The following AP4E1 variants were observed in gnomAD, a reference collection of about 807,000 sequenced individuals.
AP4E1 encodes AP-4 complex subunit epsilon-1.
AP4E1 carries 56 observed loss-of-function variants against 128.2 expected under a neutral mutation model. The ratio of observed to expected loss-of-function variants is 0.44; its 90% CI spans 0.35 to 0.55. The LOEUF (loss-of-function observed/expected upper bound fraction) is 0.55, where lower values mean the gene tolerates loss of function less well. Among genes scored for constraint, AP4E1 ranks in the 20% least tolerant of loss-of-function variants. AP4E1 has a pLI of 0.00. For synonymous variants in AP4E1, 484 were observed against 473.1 expected (o/e 1.02, Z -0.30); for missense variants, 1,324 against 1,307.7 (o/e 1.01, Z -0.19).
Position 50,952,442 on chromosome 15 carries a change from G to A in AP4E1, c.1548+2273G>A, listed in dbSNP as rs533830754. 4.0e-5 allele frequency among the ~76,000 whole-genome samples: 6 copies of A among 151,598 alleles called. No homozygotes were observed. In the South Asian group the frequency reaches 8.4e-4, roughly 21 times the overall value. On this transcript the variant is annotated intron_variant, in intron 13 of 20. Transcript: ENST00000261842. ...GGAGAATCTCTTGAACTCAGGAGGC[G>A]GAGGTTGCAGTGAACCAAGATCACG... is the stretch of plus-strand genomic sequence containing the variant.
At position 50,929,108 on chromosome 15, in the gene AP4E1, T is replaced by C. The variant is rs1177605574; in HGVS notation, c.642T>C (p.Leu214=). 17 of 1,613,928 alleles carry C rather than the reference T, an allele frequency of 1.1e-5. No homozygotes were observed. Among genetic ancestry groups the C allele is most frequent in the Non-Finnish European group, 1.4e-5 (17 of 1,179,922 alleles). ...TTCATATTAAGTTTCGGAAAGCACTTTGTGACAGAGATGTTGGGGTCATGG... is the reference window on the plus strand; with the variant it reads ...TTCATATTAAGTTTCGGAAAGCACTCTGTGACAGAGATGTTGGGGTCATGG... ...QHIHIKFRKA[L]CDRDVGVMAA... The change falls in exon 6 of 21, where the codon CTT becomes CTC. Residue 214 remains leucine (L), a synonymous_variant. Coordinates refer to ENST00000261842, the MANE Select transcript of AP4E1 (RefSeq NM_007347.5).
intron 17 of AP4E1, 100 bp from the exon 18 acceptor site, chr15:50,997,226 G>T: frequency 1.8e-6 from 2 of 1,101,744 alleles, no homozygotes; most frequent in Non-Finnish European, 2.5e-6. Context: ...TAGAACCTTA[G>T]CAAATTGTTA....
chr15:50,997,841 G>A lies in AP4E1; in HGVS notation c.2862G>A (p.Leu954=). 3.8e-6 allele frequency: 6 copies of A among 1,598,664 alleles called. No individual in the cohort carries two copies. The highest frequency in any genetic ancestry group is 5.1e-6 in the Non-Finnish European group (6 of 1,170,668). ...WSVTNKSGLE[L]KSADLEIFPA... Reference sequence around the variant, plus strand: ...TCACTAATAAGAGTGGTTTGGAATTGAAAAGTGCTGACTTAGAAATTTTTC... The same window carrying A: ...TCACTAATAAGAGTGGTTTGGAATTAAAAAGTGCTGACTTAGAAATTTTTC... The change falls in exon 18 of 21, where the codon TTG becomes TTA. Residue 954 remains leucine (L), a synonymous_variant. Coordinates refer to ENST00000261842, the MANE Select transcript of AP4E1 (RefSeq NM_007347.5).
At chr15:50,952,953 G>A (rs1033865104) in intron 13 of AP4E1, among the ~76,000 whole-genome samples, 1 of 152,120 alleles carries the variant, frequency 6.6e-6, no homozygotes, top group African/African-American at 2.4e-5. Context: ...GCCTGGTGCA[G>A]TGGTTCATGC....
intron 8 of AP4E1, among the ~76,000 whole-genome samples, chr15:50,940,551 G>C (rs946580869): frequency 6.6e-6 from 1 of 152,086 alleles, no homozygotes; most frequent in African/African-American, 2.4e-5. Flanking sequence ...GATTGTATCA[G>C]GACACTTGAT....
At chr15:50,919,112 C>T (rs1443933376) in intron 3 of AP4E1, among the ~76,000 whole-genome samples, 1 of 151,968 alleles carries the variant, frequency 6.6e-6, no homozygotes, top group African/African-American at 2.4e-5. Flanking sequence ...TGCCTGTAGT[C>T]CCAGCTACTA....
At chr15:50,927,345 T>C (rs2063781127) in intron 5 of AP4E1, among the ~76,000 whole-genome samples, 1 of 152,170 alleles carries the variant, frequency 6.6e-6, no homozygotes, top group African/African-American at 2.4e-5. Flanking sequence ...GGCAGAGCTA[T>C]AGGTAAGCCA....
At chr15:50,994,004 C>T (rs1175447701) in intron 17 of AP4E1, among the ~76,000 whole-genome samples, 2 of 152,106 alleles carry the variant, frequency 1.3e-5, no homozygotes, top group South Asian at 2.1e-4. Flanking sequence ...AAAAAGTACT[C>T]CTCAAAATTG....
intron 10 of AP4E1, among the ~76,000 whole-genome samples, chr15:50,946,722 C>G (rs1193926379): frequency 6.6e-6 from 1 of 152,164 alleles, no homozygotes; most frequent in Non-Finnish European, 1.5e-5. Flanking sequence ...ATAAATGATG[C>G]TTTCTCAGTA....
chr15:50,913,684 C>G (rs2063592300), intron 2 of AP4E1, among the ~76,000 whole-genome samples: 1 of 152,226 alleles, frequency 6.6e-6, no homozygotes, highest in Admixed American at 6.5e-5. Flanking sequence ...TAAAATGTTA[C>G]AAATCTAGGG....
intron 15 of AP4E1, among the ~76,000 whole-genome samples, chr15:50,970,528 T>G (rs537098300): frequency 6.6e-6 from 1 of 152,376 alleles, no homozygotes; most frequent in East Asian, 1.9e-4. Context: ...ATTTGCTTTA[T>G]ATATTTGGAT....
Position 50,989,007 on chromosome 15 carries a change from C to G in AP4E1, c.2091-4363C>G, listed in dbSNP as rs574723388. On this transcript the variant is annotated intron_variant, in intron 16 of 20. Coordinates refer to ENST00000261842, the MANE Select transcript of AP4E1 (RefSeq NM_007347.5). ...TAAAATGAGATGACATTTGTAAGTA[C>G]ATAGTACAGCCCAGTTCATAGTAAG... Among the ~76,000 whole-genome samples the G allele has an allele frequency of 2.0e-5, 3 of 152,138 alleles. No individual in the cohort carries two copies. The East Asian group carries it at 5.8e-4, about 29-fold the overall frequency.
At chr15:50,976,663 G>A (rs367839052) in intron 15 of AP4E1, among the ~76,000 whole-genome samples, 17 of 152,272 alleles carry the variant, frequency 1.1e-4, no homozygotes, top group South Asian at 1.0e-3. Flanking sequence ...AGTAATAAGC[G>A]AATTCTGGAA....
chr15:50,911,632 G>A (rs183978725), intron 1 of AP4E1, among the ~76,000 whole-genome samples: 88 of 149,968 alleles, frequency 5.9e-4, no homozygotes, highest in Middle Eastern at 6.9e-3. Flanking sequence ...GGGATTACAG[G>A]ACCCCCAGCT....
intron 3 of AP4E1, among the ~76,000 whole-genome samples, chr15:50,921,337 A>C (rs920851356): frequency 1.3e-5 from 2 of 151,770 alleles, no homozygotes; most frequent in Non-Finnish European, 2.9e-5. Flanking sequence ...GATAGTATTT[A>C]TCTTCATTTT....
At chr15:50,947,507 CTT>C (rs1596475916) in intron 10 of AP4E1, among the ~76,000 whole-genome samples, 2 of 151,952 alleles carry the variant, frequency 1.3e-5, no homozygotes, top group East Asian at 3.9e-4. Context: ...AGCCACCAGT[CTT>C]TGTCCATCCA....
intron 14 of AP4E1, among the ~76,000 whole-genome samples, chr15:50,967,404 A>G (rs1367804991): frequency 2.0e-5 from 3 of 152,242 alleles, no homozygotes; most frequent in Non-Finnish European, 4.4e-5. Flanking sequence ...AGGCGAAGTA[A>G]CAACAAAAGC....
chr15:50,951,817 C>A (rs2064154899), intron 13 of AP4E1, among the ~76,000 whole-genome samples: 1 of 150,364 alleles, frequency 6.7e-6, no homozygotes, highest in Admixed American at 6.6e-5. Flanking sequence ...ACCTCTGCCT[C>A]CTGGGTTCAA....
chr15:50,984,961 C>T (rs1014022231), intron 16 of AP4E1, among the ~76,000 whole-genome samples: 8 of 152,120 alleles, frequency 5.3e-5, no homozygotes, highest in Non-Finnish European at 1.2e-4. Flanking sequence ...ACATCCTCTC[C>T]AGCACCTGTT....
Sources: allele counts gnomAD v4.1 joint callset (sites outside exome capture counted in the v4.1 genomes callset), GRCh38; gene constraint gnomAD v4.1.1; transcripts MANE v1.5; gene names NCBI Gene and HGNC (gene_info 2026-07-23, HGNC 2026-07-21).